FLNC: variants seen among roughly 807,000 people sequenced by gnomAD.
FLNC encodes filamin-C.
In FLNC, 91 loss-of-function variants were observed where a neutral mutation model predicts 254.3. The ratio of observed to expected loss-of-function variants is 0.36; its 90% confidence interval spans 0.30 to 0.43. The LOEUF (loss-of-function observed/expected upper bound fraction) is 0.43. Among genes scored for constraint, FLNC ranks in the 20% least tolerant of loss-of-function variants. FLNC has a pLI of 1.00. For synonymous variants in FLNC, 1,430 were observed against 1,577.2 expected, an observed-to-expected ratio of 0.91 and a Z score of 2.21; for missense variants, 2,853 against 3,802.6, an observed-to-expected ratio of 0.75 and a Z score of 6.57.
chr7:128,844,017 A>T lies in FLNC; in HGVS notation c.2943A>T (p.Gly981=), dbSNP rs759397444. ...CCCTCCACGCAGAGGTGGCTGTGGGACAGGAACAAGCATTCTCTGTGAACA... is the reference window on the plus strand; with the variant it reads ...CCCTCCACGCAGAGGTGGCTGTGGGTCAGGAACAAGCATTCTCTGTGAACA... The part of the protein sequence containing the change: ...VQGLNSKVAV[G]QEQAFSVNTR... The change falls in exon 20 of 48, where the codon GGA becomes GGT. Residue 981 remains glycine, a synonymous_variant. Coordinates refer to ENST00000325888, the MANE Select transcript of FLNC (RefSeq NM_001458.5). 1 of 1,614,100 alleles carries T rather than the reference A, an allele frequency of 6.2e-7. No homozygotes were observed. The highest frequency in any genetic ancestry group is 1.1e-5 in the South Asian group (1 of 91,082).
chr7:128,835,916 A>C lies in FLNC; in HGVS notation c.601+342A>C, dbSNP rs968727337. ...GCCCAGGGCCTGGACTCCCTGCCCC[A>C]TGAATTTTTTACTGTGCCACGAGGC... On this transcript the variant is annotated intron_variant, in intron 2 of 47. Transcript: ENST00000325888. The surrounding 1 kb of genome is among the most constrained non-coding windows in gnomAD (Gnocchi z 5.3). Among the ~76,000 whole-genome samples, 1 of 152,154 alleles carries C rather than the reference A, an allele frequency of 6.6e-6. No individual in the cohort carries two copies. The highest frequency in any genetic ancestry group is 1.5e-5 in the Non-Finnish European group (1 of 68,024).
Position 128,844,026 on chromosome 7 carries a change from A to G in FLNC, c.2952A>G (p.Gln984=). 1 of 1,614,142 alleles carries G rather than the reference A, an allele frequency of 6.2e-7. No individual in the cohort carries two copies. Among genetic ancestry groups the G allele is most frequent in the Non-Finnish European group, 8.5e-7 (1 of 1,180,054 alleles). The change falls in exon 20 of 48, where the codon CAA becomes CAG. Residue 984 remains glutamine, a synonymous_variant. Transcript: ENST00000325888. ...LNSKVAVGQE[Q]AFSVNTRGAG... ...CAGAGGTGGCTGTGGGACAGGAACA[A>G]GCATTCTCTGTGAACACACGAGGGG...
At position 128,857,895 on chromosome 7, in the gene FLNC, C is replaced by T; in HGVS notation, c.7781-113C>T. 1.3e-6 allele frequency: 1 copy of T among 792,238 alleles called. No homozygotes were observed. Among genetic ancestry groups the T allele is most frequent in the Non-Finnish European group, 2.2e-6 (1 of 457,772 alleles). 49.1% of individuals were successfully genotyped at this position (792,238 alleles called of 1,614,324 possible). A position where few individuals can be genotyped will look rare whatever the true frequency, so the allele number is the denominator to read the frequency against. ...CTTGGAGGAATTTGAGGGGGAGCCTCAAATGCAGGCAGTGAGTCCCACAGG... is the reference window on the plus strand; with the variant it reads ...CTTGGAGGAATTTGAGGGGGAGCCTTAAATGCAGGCAGTGAGTCCCACAGG... On this transcript the variant is annotated intron_variant, in intron 46 of 47. Coordinates refer to ENST00000325888, the MANE Select transcript of FLNC (RefSeq NM_001458.5). The surrounding 1 kb of genome is among the most constrained non-coding windows in gnomAD (Gnocchi z 4.5).
rs1378586071 is a variant in FLNC at position 128,841,552 on chromosome 7, G to A, written c.2106G>A (p.Leu702=). 1.2e-6 allele frequency: 2 copies of A among 1,613,206 alleles called. No homozygotes were observed. Among genetic ancestry groups the A allele is most frequent in the Non-Finnish European group, 1.7e-6 (2 of 1,179,148 alleles). The change falls in exon 13 of 48, where the codon CTG becomes CTA. Residue 702 remains leucine (L), a synonymous_variant. Transcript: ENST00000325888. The surrounding 1 kb of genome is among the most constrained non-coding windows in gnomAD (Gnocchi z 4.3). ...IDARAAGKGD[L]KLYAQDADGC... Reference sequence around the variant, plus strand: ...CTCGTGCAGCTGGCAAGGGAGACCTGAAGCTCTATGCCCAGGTAGGTCATT... The same window carrying A: ...CTCGTGCAGCTGGCAAGGGAGACCTAAAGCTCTATGCCCAGGTAGGTCATT...
rs1808638682 is a variant in FLNC, at chr7:128,848,060, G to A, written c.4572G>A (p.Val1524=). 3 of 1,603,886 alleles carry A rather than the reference G, an allele frequency of 1.9e-6. No homozygotes were observed. Among genetic ancestry groups the A allele is most frequent in the African/African-American group, 1.3e-5 (1 of 74,694 alleles). ...TVAVKYADQE[V]PRSPFKIKVL... is the part of the protein sequence containing the mutation. The stretch of plus-strand genomic sequence containing the variant: ...CCGTCAAGTATGCTGACCAGGAGGT[G>A]CCACGCAGGTGAGGACCAGCCCTGG... Residue 1524 remains valine, a synonymous_variant, in exon 26 of 48, where the codon GTG becomes GTA. Transcript: ENST00000325888.
At chr7:128,847,906 A>T in intron 25 of FLNC, 39 bp from the exon 26 acceptor site, 1 of 1,613,694 alleles carries the variant, frequency 6.2e-7, no homozygotes, top group Non-Finnish European at 8.5e-7. Flanking sequence ...GTGGGGCGGG[A>T]CGCCCGGAGG....
In FLNC at chr7:128,838,817, A is replaced by C; in HGVS notation, c.1411+14A>C. On this transcript the variant is annotated intron_variant, in intron 8 of 47. Coordinates refer to ENST00000325888, the MANE Select transcript of FLNC (RefSeq NM_001458.5). ...ATGTGTCGGAAGGTAAGGGCCCTTC[A>C]CTGCTCCCCACGGTAGCCCTTACCA... 1 of 1,609,628 alleles carries C rather than the reference A, an allele frequency of 6.2e-7. No homozygotes were observed. The highest frequency in any genetic ancestry group is 8.5e-7 in the Non-Finnish European group (1 of 1,177,476).
chr7:128,840,743 T>C (rs1808298213), intron 10 of FLNC, 69 bp downstream of exon 10: 1 of 1,504,784 alleles, frequency 6.6e-7, no homozygotes, highest in East Asian at 2.2e-5. Flanking sequence ...GGCACTGGGC[T>C]GCGAGGGAGT....
chr7:128,847,759 C>T lies in FLNC; in HGVS notation c.4351C>T (p.Pro1451Ser). ...CCCTGGGAAGGTGAAGTGCTCAGGGCCAGGGCTGGGGGCTGGTGTCAGGGC... is the reference window on the plus strand; with the variant it reads ...CCCTGGGAAGGTGAAGTGCTCAGGGTCAGGGCTGGGGGCTGGTGTCAGGGC... Reference protein sequence around the residue: ...VDPGKVKCSGPGLGAGVRARV... With the variant: ...VDPGKVKCSGSGLGAGVRARV... Residue 1451 changes from proline (P) to serine (S), a missense_variant, in exon 25 of 48, where the codon CCA (proline) becomes TCA (serine). Coordinates refer to ENST00000325888, the MANE Select transcript of FLNC (RefSeq NM_001458.5). 6.2e-7 allele frequency: 1 copy of T among 1,614,116 alleles called. No individual in the cohort carries two copies. Among genetic ancestry groups the T allele is most frequent in the Non-Finnish European group, 8.5e-7 (1 of 1,180,012 alleles).
chr7:128,843,845 G>T lies in FLNC; in HGVS notation c.2861G>T (p.Ser954Ile), dbSNP rs1808442851. The T allele has an allele frequency of 6.2e-7, 1 of 1,613,916 alleles. No homozygotes were observed. ...VTYGGDPVPK[S>I]PFVVNVAPPL... ...TATGGCGGGGACCCTGTCCCCAAGA[G>T]CCCCTTTGTGGTGAATGTGGCACCC... Residue 954 changes from serine (S) to isoleucine (I), a missense_variant, in exon 19 of 48, where the codon AGC becomes ATC. Physicochemically the swap from Ser to Ile is moderately radical, Grantham distance 142. This residue lies in a region of FLNC where 1,573 missense variants were observed against 1,883.5 expected (regional missense o/e 0.84). Transcript: ENST00000325888.
rs947174901 is a variant in FLNC, at chr7:128,844,056, C to A, written c.2982C>A (p.Gly994=). 2 of 1,614,044 alleles carry A rather than the reference C, an allele frequency of 1.2e-6. No homozygotes were observed. The highest frequency in any genetic ancestry group is 1.7e-6 in the Non-Finnish European group (2 of 1,180,040). The part of the protein sequence containing the change: ...QAFSVNTRGA[G]GQGQLDVRMT... ...TCTCTGTGAACACACGAGGGGCTGG[C>A]GGTCAGGGCCAACTGGATGTGCGGA... Residue 994 remains glycine (G), a synonymous_variant, in exon 20 of 48, where the codon GGC becomes GGA. Transcript: ENST00000325888.
rs1808097021 is a variant in FLNC at position 128,836,477 on chromosome 7, C to G, written c.602-683C>G. Reference sequence around the variant, plus strand: ...CGGCCCCCTCCCCGAAACGGTGTGCCGTCCCCCTCCTCCAGCTCTGGCCTA... The same window carrying G: ...CGGCCCCCTCCCCGAAACGGTGTGCGGTCCCCCTCCTCCAGCTCTGGCCTA... On this transcript the variant is annotated intron_variant, in intron 2 of 47. Coordinates refer to ENST00000325888, the MANE Select transcript of FLNC (RefSeq NM_001458.5). This position sits in a 1 kb window ranked among gnomAD's most constrained non-coding sequence, Gnocchi z 6.0. 6.6e-6 allele frequency among the ~76,000 whole-genome samples: 1 copy of G among 152,154 alleles called. No homozygotes were observed. Among genetic ancestry groups the G allele is most frequent in the Admixed American group, 6.5e-5 (1 of 15,282 alleles).
At chr7:128,831,559 A>G (rs969727319) in intron 1 of FLNC, among the ~76,000 whole-genome samples, 4 of 152,172 alleles carry the variant, frequency 2.6e-5, no homozygotes, top group Non-Finnish European at 4.4e-5. Flanking sequence ...GGGCCAGGAC[A>G]GGCAGGGCCC....
In FLNC at chr7:128,846,057, C is replaced by G; in HGVS notation, c.3858C>G (p.Asn1286Lys). The G allele has an allele frequency of 6.2e-7, 1 of 1,614,040 alleles. No individual in the cohort carries two copies. Among genetic ancestry groups the G allele is most frequent in the Non-Finnish European group, 8.5e-7 (1 of 1,180,012 alleles). The stretch of plus-strand genomic sequence containing the variant: ...GATCCCTAACAGCCACAGGCGGCAA[C>G]CACGTGACGGCTCGTGTGCTCAACC... Reference protein sequence around the residue: ...DARSLTATGGNHVTARVLNPS... With the variant: ...DARSLTATGGKHVTARVLNPS... The change falls in exon 22 of 48, where the codon AAC (asparagine) becomes AAG (lysine). Residue 1286 changes from asparagine to lysine, a missense_variant. This residue lies in a region of FLNC where 1,573 missense variants were observed against 1,883.5 expected (regional missense o/e 0.84). Coordinates refer to ENST00000325888, the MANE Select transcript of FLNC (RefSeq NM_001458.5).
intron 30 of FLNC, 120 bp downstream of exon 30, chr7:128,849,698 G>A: frequency 2.3e-6 from 3 of 1,329,636 alleles, no homozygotes; most frequent in Non-Finnish European, 3.1e-6. Context: ...GGGCTCCTGG[G>A]GCCAGAGTGC....
rs1004533242 is a variant in FLNC, at chr7:128,837,031, T to C, written c.602-129T>C. 18 of 696,454 alleles carry C rather than the reference T, an allele frequency of 2.6e-5. No individual in the cohort carries two copies. The African/African-American group carries it at 3.2e-4, about 12-fold the overall frequency. 43.1% of individuals were successfully genotyped at this position (696,454 alleles called of 1,614,324 possible). A position where few individuals can be genotyped will look rare whatever the true frequency, so the allele number is the denominator to read the frequency against. On this transcript the variant is annotated intron_variant, in intron 2 of 47. Transcript: ENST00000325888. ...CTGATGGGGTCAGCAGGAACCTGGC[T>C]GGTCAAGGCCTAGAGCTGGTGGGAA...
In FLNC at chr7:128,839,913, GGGCCAC is replaced by G; in HGVS notation, c.1412-109_1412-104del. ...ACAAAGGGCTCCAGAGCAGGGCCGT[GGGCCAC>G]TGCCTGTGCCTGGGAGGGGTTAGAA... On this transcript the variant is annotated intron_variant, in intron 8 of 47. Transcript: ENST00000325888. The G allele has an allele frequency of 1.4e-6, 2 of 1,394,450 alleles. 1 individual carries two copies. Among genetic ancestry groups the G allele is most frequent in the South Asian group, 2.4e-5 (2 of 84,044 alleles). The allele number at this position is 1,394,450 out of a possible 1,614,324, so 86.4% of individuals were successfully genotyped here.
rs200001272 is a variant in FLNC at position 128,850,396 on chromosome 7, C to G, written c.5311C>G (p.Pro1771Ala). The change falls in exon 32 of 48, where the codon CCA (proline) becomes GCA (alanine). Residue 1771 changes from proline to alanine, a missense_variant. Pro to Ala is a conservative substitution (Grantham distance 27). Around this residue, in one of 10 missense-constraint regions of FLNC, gnomAD observed 258 missense variants for 312.3 expected, o/e 0.83. Transcript: ENST00000325888. ...ARPTHWATEE[P>A]VVPVEPMESM... ...TCACCTGCTGCAGGCCACAGAGGAG[C>G]CAGTGGTGCCTGTGGAGCCAATGGA... 824 of 1,613,586 alleles carry G rather than the reference C, an allele frequency of 5.1e-4. 4 individuals carry two copies. The highest frequency in any genetic ancestry group is 6.7e-4 in the Non-Finnish European group (786 of 1,179,554).
intron 22 of FLNC, 32 bp downstream of exon 22, chr7:128,846,195 G>C (rs1585161442): frequency 6.2e-7 from 1 of 1,613,736 alleles, no homozygotes; most frequent in Non-Finnish European, 8.5e-7. Context: ...TAGTGGGCAG[G>C]GCTGGGCAAG....
Sources: allele counts gnomAD v4.1 joint callset (sites outside exome capture counted in the v4.1 genomes callset), GRCh38; gene constraint gnomAD v4.1.1; regional missense constraint gnomAD v4.1.1; non-coding constraint Gnocchi (gnomAD v3.1); transcripts MANE v1.5; gene names NCBI Gene and HGNC (gene_info 2026-07-23, HGNC 2026-07-21).